NCOR2: variants seen among roughly 807,000 people sequenced by gnomAD.
The protein encoded by NCOR2 is nuclear receptor corepressor 2.
Under a neutral mutation model 262.9 loss-of-function variants are expected in NCOR2, and 81 were observed. That is an observed-to-expected ratio of 0.31 (90% confidence interval 0.26 to 0.37). The LOEUF is 0.37. Ranked by LOEUF, NCOR2 falls within the 10% of genes least tolerant of loss-of-function variation. The pLI is 1.00. For synonymous variants in NCOR2, 1,659 were observed against 1,559.3 expected, an observed-to-expected ratio of 1.06 and a Z score of -1.51; for missense variants, 3,385 against 3,621.4, an observed-to-expected ratio of 0.93 and a Z score of 1.68.
exon 40 of NCOR2, chr12:124,335,242 G>T (rs1237380938): frequency 1.2e-6 from 2 of 1,608,584 alleles, no homozygotes; most frequent in Admixed American, 1.7e-5. Flanking sequence ...GGCCGCAGGT[G>T]TGGGAGGTGG....
chr12:124,415,299 G>A (rs1350178209), intron 13 of NCOR2, among the ~76,000 whole-genome samples: 6 of 152,236 alleles, frequency 3.9e-5, no homozygotes, highest in Non-Finnish European at 8.8e-5. Context: ...CCTCACCTGG[G>A]GCAGACTGAT....
chr12:124,335,359 T>C, intron 39 of NCOR2, 79 bp from the exon 42 acceptor site: 1 of 1,500,912 alleles, frequency 6.7e-7, no homozygotes, highest in Non-Finnish European at 8.9e-7. Context: ...CCCATGCCTT[T>C]GAGCCTCATG....
At chr12:124,393,182 G>A (rs1255452070) in intron 16 of NCOR2, among the ~76,000 whole-genome samples, 2 of 152,170 alleles carry the variant, frequency 1.3e-5, no homozygotes, top group East Asian at 3.9e-4. Context: ...AGGCCAGGCT[G>A]ACCTTTCCCA....
At chr12:124,543,188 G>C (rs2051429359) in intron 1 of NCOR2, among the ~76,000 whole-genome samples, 1 of 152,194 alleles carries the variant, frequency 6.6e-6, no homozygotes, top group Non-Finnish European at 1.5e-5. Flanking sequence ...GGGAGGTGGG[G>C]ATGGGCCGCA....
upstream of NCOR2, among the ~76,000 whole-genome samples, chr12:124,499,487 C>T (rs939572283): frequency 4.6e-5 from 7 of 152,274 alleles, no homozygotes; most frequent in Middle Eastern, 3.4e-3. Flanking sequence ...AGAAGAACTT[C>T]CAGAGGGTGA....
chr12:124,428,044 AGTGTGTGTGTGTGTGTGTGTGT>A (rs55965573), intron 10 of NCOR2, among the ~76,000 whole-genome samples: 2 of 112,398 alleles, frequency 1.8e-5, no homozygotes, highest in African/African-American at 2.9e-5. Flanking sequence ...CCATGTGGCC[AGTGTGTGTGTGTGTGTGTGTGT>A]GTGTGTGTGT....
In NCOR2 at chr12:124,374,457, T is replaced by C. The variant is rs376775457; in HGVS notation, c.2174A>G (p.His725Arg). ...TCTGGGCACCTCATTCCCAGAGGCA[T>C]GTAAGGCTGGAAGGAAGTCAGAGAA... The change falls in exon 19 of 47, where the codon CAT becomes CGT. Residue 725 changes from histidine (H) to arginine (R), a missense_variant. Transcript: ENST00000405201. 7 of 1,612,302 alleles carry C rather than the reference T, an allele frequency of 4.3e-6. No individual in the cohort carries two copies. The African/African-American group carries it at 5.3e-5, about 12-fold the overall frequency.
exon 47 of NCOR2, chr12:124,325,502 G>T: frequency 7.4e-7 from 1 of 1,359,846 alleles, no homozygotes; most frequent in South Asian, 1.9e-5. Context: ...GCTGCCCGCG[G>T]GGAGGCCCGG....
At position 124,340,590 on chromosome 12, in the gene NCOR2, C is replaced by T; in HGVS notation, c.5338+12G>A. 1 of 1,504,848 alleles carries T rather than the reference C, an allele frequency of 6.6e-7. No individual in the cohort carries two copies. Among genetic ancestry groups the T allele is most frequent in the African/African-American group, 1.4e-5 (1 of 71,962 alleles). The allele number at this position is 1,504,848 out of a possible 1,614,324, so 93.2% of individuals were successfully genotyped here. On this transcript the variant is annotated intron_variant, in intron 35 of 46. Transcript: ENST00000405201. ...GCCGGGGTCCCCACCCCAGACTGGG[C>T]AGTGGCGCTACCTGGGGAGAGTGGG...
intron 18 of NCOR2, among the ~76,000 whole-genome samples, chr12:124,375,409 A>G (rs1055810303): frequency 1.3e-5 from 2 of 152,232 alleles, no homozygotes; most frequent in Non-Finnish European, 2.9e-5. Context: ...GGCTTGTGAC[A>G]GTGCAGGTGG....
chr12:124,357,469 T>A (rs938889283), intron 22 of NCOR2, among the ~76,000 whole-genome samples: 17 of 152,170 alleles, frequency 1.1e-4, no homozygotes, highest in African/African-American at 4.1e-4. Context: ...AGTTTATATT[T>A]TGTTTTTGTA....
chr12:124,386,157 G>A (rs1264997177), intron 16 of NCOR2, among the ~76,000 whole-genome samples: 1 of 152,158 alleles, frequency 6.6e-6, no homozygotes, highest in Non-Finnish European at 1.5e-5. Flanking sequence ...CTGGGCTGGA[G>A]GAGCCAAAAG....
intron 16 of NCOR2, among the ~76,000 whole-genome samples, chr12:124,395,605 C>A (rs1325141575): frequency 6.6e-6 from 1 of 152,202 alleles, no homozygotes; most frequent in Non-Finnish European, 1.5e-5. Context: ...GGTGAGTCAT[C>A]CCCAGCCGTC....
intron 16 of NCOR2, among the ~76,000 whole-genome samples, chr12:124,397,422 A>C (rs1476043567): frequency 6.6e-6 from 1 of 152,150 alleles, no homozygotes; most frequent in Non-Finnish European, 1.5e-5. Flanking sequence ...CACAGCTGAG[A>C]GGGGATCCGG....
At chr12:124,564,553 C>G (rs1313971076) in intron 1 of NCOR2, among the ~76,000 whole-genome samples, 1 of 132,216 alleles carries the variant, frequency 7.6e-6, no homozygotes, top group Admixed American at 7.8e-5. Context: ...GGCCCACGGT[C>G]AGAGGCAGCA....
intron 1 of NCOR2, among the ~76,000 whole-genome samples, chr12:124,520,049 G>A (rs1037954056): frequency 5.9e-5 from 9 of 152,230 alleles, no homozygotes; most frequent in Non-Finnish European, 1.3e-4. Context: ...CACTGGACTG[G>A]CAGGGGGCCC....
intron 22 of NCOR2, among the ~76,000 whole-genome samples, chr12:124,360,275 T>C (rs570944166): frequency 1.3e-5 from 2 of 152,344 alleles, no homozygotes; most frequent in African/African-American, 4.8e-5. Context: ...AGCCCAGCCC[T>C]GGTCATGGGG....
At chr12:124,460,561 C>T (rs773984528) in intron 5 of NCOR2, among the ~76,000 whole-genome samples, 4 of 152,192 alleles carry the variant, frequency 2.6e-5, no homozygotes, top group South Asian at 2.1e-4. Context: ...TCCAAGGACA[C>T]GGAGTCCTCT....
At chr12:124,439,192 C>G (rs201471243) in intron 7 of NCOR2, among the ~76,000 whole-genome samples, 27 of 86,852 alleles carry the variant, frequency 3.1e-4, no homozygotes, top group Non-Finnish European at 4.3e-4. Context: ...GAGAGAGAGA[C>G]GGAGACCCAG....
Sources: allele counts gnomAD v4.1 joint callset (sites outside exome capture counted in the v4.1 genomes callset), GRCh38; gene constraint gnomAD v4.1.1; transcripts MANE v1.5; gene names NCBI Gene and HGNC (gene_info 2026-07-23, HGNC 2026-07-21).